UBE2O: variants seen among roughly 807,000 people sequenced by gnomAD.
UBE2O encodes (E3-independent) E2 ubiquitin-conjugating enzyme.
Under a neutral mutation model 125.8 loss-of-function variants are expected in UBE2O, and 15 were observed. That is an observed-to-expected ratio of 0.12 (90% CI 0.08 to 0.18). The LOEUF (loss-of-function observed/expected upper bound fraction) is 0.18. UBE2O is among the 10% of genes least tolerant of loss of function. The pLI is 1.00. For missense variants in UBE2O, 1,280 were observed against 1,723.6 expected (o/e 0.74, Z 4.56); for synonymous variants, 708 against 703.2 (o/e 1.01, Z -0.11).
chr17:76,398,221 A>G lies in UBE2O; in HGVS notation c.2025+34T>C. ...ACTGCAGCTGGTGCACAGGGCAGTGAGCAGCCATCCAGAACTTGAATTTGA... is the reference window on the plus strand; with the variant it reads ...ACTGCAGCTGGTGCACAGGGCAGTGGGCAGCCATCCAGAACTTGAATTTGA... On this transcript the variant is annotated intron_variant, in intron 12 of 17. Coordinates refer to ENST00000319380, the MANE Select transcript of UBE2O (RefSeq NM_022066.4). The surrounding 1 kb of genome is among the most constrained non-coding windows in gnomAD (Gnocchi z 5.4). 1 of 1,613,744 alleles carries G rather than the reference A, an allele frequency of 6.2e-7. No individual in the cohort carries two copies. The highest frequency in any genetic ancestry group is 8.5e-7 in the Non-Finnish European group (1 of 1,179,804).
At chr17:76,414,816 G>A (rs2072573089) in intron 1 of UBE2O, among the ~76,000 whole-genome samples, 1 of 152,188 alleles carries the variant, frequency 6.6e-6, no homozygotes. Context: ...TTGGCGGCAG[G>A]AGCTGGGAGC....
chr17:76,398,913 G>A lies in UBE2O; in HGVS notation c.1707C>T (p.Arg569=), dbSNP rs769641771. 3.1e-6 allele frequency: 5 copies of A among 1,614,178 alleles called. No individual in the cohort carries two copies. In the Middle Eastern group the frequency reaches 8.2e-4, roughly 266 times the overall value. The change falls in exon 10 of 18, where the codon CGC becomes CGT. Residue 569 remains arginine (R), a synonymous_variant. Coordinates refer to ENST00000319380, the MANE Select transcript of UBE2O (RefSeq NM_022066.4). This position sits in a 1 kb window ranked among gnomAD's most constrained non-coding sequence, Gnocchi z 5.4. ...WQDGSVECNI[R]SNDLFPVHHL... ...GGTGCACAGGGAAGAGGTCGTTGGAGCGGATGTTGCATTCCACGGAGCCAT... is the reference window on the plus strand; with the variant it reads ...GGTGCACAGGGAAGAGGTCGTTGGAACGGATGTTGCATTCCACGGAGCCAT...
chr17:76,399,366 C>T lies in UBE2O; in HGVS notation c.1628+83G>A, dbSNP rs1027962770. The T allele has an allele frequency of 2.1e-5, 29 of 1,358,440 alleles. No individual in the cohort carries two copies. Among genetic ancestry groups the T allele is most frequent in the Non-Finnish European group, 2.7e-5 (26 of 971,088 alleles). 84.1% of individuals were successfully genotyped at this position (1,358,440 alleles called of 1,614,324 possible). A position where few individuals can be genotyped will look rare whatever the true frequency, so the allele number is the denominator to read the frequency against. On this transcript the variant is annotated intron_variant, in intron 9 of 17. Coordinates refer to ENST00000319380, the MANE Select transcript of UBE2O (RefSeq NM_022066.4). The surrounding 1 kb of genome is among the most constrained non-coding windows in gnomAD (Gnocchi z 6.9). ...AGGCATGCAGAGGTGTGTGTGCGAG[C>T]GCAGGCACGCACACCGAGGGGACGC...
In UBE2O at chr17:76,390,902, G is replaced by A. The variant is rs755418038; in HGVS notation, c.*41C>T. The A allele has an allele frequency of 2.8e-5, 43 of 1,545,916 alleles. No individual in the cohort carries two copies. In the East Asian group the frequency reaches 9.7e-4, roughly 35 times the overall value. On this transcript the variant is annotated 3_prime_UTR_variant, in exon 18 of 18. Coordinates refer to ENST00000319380, the MANE Select transcript of UBE2O (RefSeq NM_022066.4). ...GGGGGGGAGTGAGCAGGCGGCGGCT[G>A]GCCTCTCCCACGGTGATGCTCTTTC...
chr17:76,428,432 A>C (rs918313158), intron 1 of UBE2O, among the ~76,000 whole-genome samples: 1 of 152,222 alleles, frequency 6.6e-6, no homozygotes, highest in Admixed American at 6.5e-5. Context: ...TCAACTTCAA[A>C]GAAAAAGTAA....
At chr17:76,401,278 G>T in intron 5 of UBE2O, 124 bp from the exon 6 acceptor site, 1 of 1,158,076 alleles carries the variant, frequency 8.6e-7, no homozygotes, top group Non-Finnish European at 1.2e-6. Context: ...CGCCCCACAC[G>T]CCCTAAAACA....
chr17:76,423,288 A>G (rs2072739115), intron 1 of UBE2O, among the ~76,000 whole-genome samples: 1 of 152,196 alleles, frequency 6.6e-6, no homozygotes, highest in South Asian at 2.1e-4. Flanking sequence ...CTGAGGTGGG[A>G]GGATTGCTTA....
rs930609905 is a variant in UBE2O, at chr17:76,406,301, G to A, written c.418-729C>T. Among the ~76,000 whole-genome samples the A allele has an allele frequency of 2.6e-5, 4 of 152,282 alleles. No homozygotes were observed. In the South Asian group the frequency reaches 8.3e-4, roughly 32 times the overall value. On this transcript the variant is annotated intron_variant, in intron 1 of 17. Transcript: ENST00000319380. Reference sequence around the variant, plus strand: ...TGATGCTCCCACCAGGCCAGCCTGCGTCTTTTTTAGCTGGTTCCTCAAACC... The same window carrying A: ...TGATGCTCCCACCAGGCCAGCCTGCATCTTTTTTAGCTGGTTCCTCAAACC...
intron 1 of UBE2O, among the ~76,000 whole-genome samples, chr17:76,424,388 T>C (rs1039872337): frequency 6.6e-6 from 1 of 151,162 alleles, no homozygotes; most frequent in Non-Finnish European, 1.5e-5. Context: ...TTTTGTATTT[T>C]TGTAGAGACA....
At position 76,399,721 on chromosome 17, in the gene UBE2O, C is replaced by A. The variant is rs2072283613; in HGVS notation, c.1356G>T (p.Glu452Asp). The change falls in exon 9 of 18, where the codon GAG (glutamate) becomes GAT (aspartate). Residue 452 changes from glutamate to aspartate, a missense_variant. Physicochemically the swap from Glu to Asp is conservative, Grantham distance 45. This residue lies in a region of UBE2O where 141 missense variants were observed against 141.3 expected (regional missense o/e 1.00). Coordinates refer to ENST00000319380, the MANE Select transcript of UBE2O (RefSeq NM_022066.4). This position sits in a 1 kb window ranked among gnomAD's most constrained non-coding sequence, Gnocchi z 6.9. ...PVEMQDEGAE[E>D]PHEAGEQLPP... ...GCAGCTGCTCTCCTGCCTCGTGGGGCTCCTCTGCACCCTCGTCCTGCATCT... is the reference window on the plus strand; with the variant it reads ...GCAGCTGCTCTCCTGCCTCGTGGGGATCCTCTGCACCCTCGTCCTGCATCT... 2 of 1,614,068 alleles carry A rather than the reference C, an allele frequency of 1.2e-6. No individual in the cohort carries two copies. Among genetic ancestry groups the A allele is most frequent in the Admixed American group, 3.3e-5 (2 of 60,008 alleles).
intron 1 of UBE2O, among the ~76,000 whole-genome samples, chr17:76,433,171 A>C (rs912600680): frequency 3.3e-5 from 5 of 151,144 alleles, no homozygotes; most frequent in African/African-American, 1.2e-4. Context: ...AATAGCCAAA[A>C]GGTGAAAATG....
chr17:76,395,465 T>C lies in UBE2O; in HGVS notation c.2946+260A>G. The C allele has an allele frequency of 2.7e-6, 1 of 369,988 alleles. No individual in the cohort carries two copies. The highest frequency in any genetic ancestry group is 4.9e-6 in the Non-Finnish European group (1 of 204,908). The allele number at this position is 369,988 out of a possible 1,614,324, so 22.9% of individuals were successfully genotyped here. On this transcript the variant is annotated intron_variant, in intron 15 of 17. Coordinates refer to ENST00000319380, the MANE Select transcript of UBE2O (RefSeq NM_022066.4). This position sits in a 1 kb window ranked among gnomAD's most constrained non-coding sequence, Gnocchi z 5.0. ...CCTCGGCCTCCCAAAGTGCTGGGAT[T>C]ACGGGTGTGAGCCACTGCGCCCGGC...
rs2072345213 is a variant in UBE2O at position 76,402,485 on chromosome 17, T to A, written c.686+117A>T. On this transcript the variant is annotated intron_variant, in intron 4 of 17. Transcript: ENST00000319380. This position sits in a 1 kb window ranked among gnomAD's most constrained non-coding sequence, Gnocchi z 5.4. ...AGGCCCTGGATGCCTGCAACATCTG[T>A]CACTGCCCTTGATCAAACCTGTCAT... 1 of 888,756 alleles carries A rather than the reference T, an allele frequency of 1.1e-6. No homozygotes were observed. Among genetic ancestry groups the A allele is most frequent in the Non-Finnish European group, 1.9e-6 (1 of 536,416 alleles). The allele number at this position is 888,756 out of a possible 1,614,324, so 55.1% of individuals were successfully genotyped here.
intron 1 of UBE2O, among the ~76,000 whole-genome samples, chr17:76,411,272 T>C (rs903151235): frequency 2.6e-5 from 4 of 152,136 alleles, no homozygotes. Context: ...CACCAAAGTG[T>C]TGGGATTACA....
rs2072256157 is a variant in UBE2O at position 76,398,478 on chromosome 17, G to A, written c.1890C>T (p.Asp630=). The A allele has an allele frequency of 2.5e-6, 4 of 1,613,950 alleles. No homozygotes were observed. The highest frequency in any genetic ancestry group is 2.5e-6 in the Non-Finnish European group (3 of 1,180,014). Residue 630 remains aspartate, a synonymous_variant, in exon 11 of 18, where the codon GAC becomes GAT. Coordinates refer to ENST00000319380, the MANE Select transcript of UBE2O (RefSeq NM_022066.4). The surrounding 1 kb of genome is among the most constrained non-coding windows in gnomAD (Gnocchi z 5.4). ...CAGTAGGGGCTGCACACACCTCCAC[G>A]TCGTCCCCACTCGGCCTCAGCTTGA... ...KWFKLRPSGD[D]VELIGEEEDV...
At position 76,400,603 on chromosome 17, in the gene UBE2O, CT is replaced by C; in HGVS notation, c.895-54del. ...TCAGGGCAGGCTCTGACAGCACTCT[CT>C]TTAGCCAGCTGCCCAAAGCCCACTT... On this transcript the variant is annotated intron_variant, in intron 6 of 17. Coordinates refer to ENST00000319380, the MANE Select transcript of UBE2O (RefSeq NM_022066.4). This position sits in a 1 kb window ranked among gnomAD's most constrained non-coding sequence, Gnocchi z 4.3. The C allele has an allele frequency of 7.8e-7, 1 of 1,287,476 alleles. No individual in the cohort carries two copies. The highest frequency in any genetic ancestry group is 1.1e-6 in the Non-Finnish European group (1 of 918,240). The allele number at this position is 1,287,476 out of a possible 1,614,324, so 79.8% of individuals were successfully genotyped here.
chr17:76,405,312 C>G lies in UBE2O; in HGVS notation c.482G>C (p.Ser161Thr). The G allele has an allele frequency of 6.2e-7, 1 of 1,610,204 alleles. No individual in the cohort carries two copies. Among genetic ancestry groups the G allele is most frequent in the Non-Finnish European group, 8.5e-7 (1 of 1,177,146 alleles). The part of the protein sequence containing the change: ...DVVRHMRSTD[S>T]QCGTVIDVNI... The stretch of plus-strand genomic sequence containing the variant: ...GACGTCGATCACCGTGCCACACTGA[C>G]TGTCCTGGGGGAGGGAGGAGACATG... The change falls in exon 3 of 18, where the codon AGT becomes ACT. Residue 161 changes from serine (S) to threonine (T), a missense_variant. Transcript: ENST00000319380. This position sits in a 1 kb window ranked among gnomAD's most constrained non-coding sequence, Gnocchi z 6.1.
chr17:76,393,237 G>A (rs906585267), intron 15 of UBE2O, among the ~76,000 whole-genome samples: 6 of 151,560 alleles, frequency 4.0e-5, no homozygotes, highest in East Asian at 3.9e-4. Context: ...CAGCCTGGGC[G>A]ACAGAGTGAG....
At chr17:76,439,255 G>A (rs1241414546) in intron 1 of UBE2O, among the ~76,000 whole-genome samples, 1 of 152,148 alleles carries the variant, frequency 6.6e-6, no homozygotes, top group Non-Finnish European at 1.5e-5. Flanking sequence ...CGCGGCAGGT[G>A]CCAACAAACC....
Sources: allele counts gnomAD v4.1 joint callset (sites outside exome capture counted in the v4.1 genomes callset), GRCh38; gene constraint gnomAD v4.1.1; regional missense constraint gnomAD v4.1.1; non-coding constraint Gnocchi (gnomAD v3.1); transcripts MANE v1.5; gene names NCBI Gene and HGNC (gene_info 2026-07-23, HGNC 2026-07-21).